KMT5B: variants seen among roughly 807,000 people sequenced by gnomAD.
KMT5B encodes lysine methyltransferase 5B.
In KMT5B, 10 loss-of-function variants were observed where a neutral mutation model predicts 83.2. The ratio of observed to expected loss-of-function variants is 0.12; its 90% confidence interval spans 0.07 to 0.20. The LOEUF (loss-of-function observed/expected upper bound fraction) is 0.20. Among genes scored for constraint, KMT5B ranks in the 10% least tolerant of loss-of-function variants. The pLI is 1.00. For synonymous variants in KMT5B, 349 were observed against 388.8 expected, an observed-to-expected ratio of 0.90 and a Z score of 1.20; for missense variants, 753 against 1,067.2, an observed-to-expected ratio of 0.71 and a Z score of 4.10.
At position 68,185,810 on chromosome 11, in the gene KMT5B, T is replaced by C. The variant is rs765133118; in HGVS notation, c.279A>G (p.Leu93=). ...LATSLVLDPY[L]GFQTHKMNTS... ...TATTCATTTTGTGTGTTTGAAAACC[T>C]AAATAGGGATCAAGAACCAAACTGG... The change falls in exon 3 of 11, where the codon TTA becomes TTG. Residue 93 remains leucine, a synonymous_variant. Transcript: ENST00000304363. 1 of 1,614,044 alleles carries C rather than the reference T, an allele frequency of 6.2e-7. No individual in the cohort carries two copies. The highest frequency in any genetic ancestry group is 8.5e-7 in the Non-Finnish European group (1 of 1,179,966).
chr11:68,198,115 TA>T (rs1393803393), intron 1 of KMT5B, among the ~76,000 whole-genome samples: 1 of 152,062 alleles, frequency 6.6e-6, no homozygotes, highest in Non-Finnish European at 1.5e-5. Flanking sequence ...TATAGACAAA[TA>T]GGGGTTGAAA....
chr11:68,188,214 C>T (rs932670329), intron 2 of KMT5B, among the ~76,000 whole-genome samples: 5 of 151,462 alleles, frequency 3.3e-5, no homozygotes, highest in African/African-American at 1.2e-4. Context: ...TTAGTAGAGG[C>T]GGGGTTTGAC....
Position 68,158,527 on chromosome 11 carries a change from T to C in KMT5B, c.1819A>G (p.Thr607Ala). 3 of 1,614,242 alleles carry C rather than the reference T, an allele frequency of 1.9e-6. No individual in the cohort carries two copies. Among genetic ancestry groups the C allele is most frequent in the Non-Finnish European group, 2.5e-6 (3 of 1,180,052 alleles). ...CGTGACTTCTTTTTGGACATGCCTGTGTCACTCTTATGACACTTTGCCTCC... is the reference window on the plus strand; with the variant it reads ...CGTGACTTCTTTTTGGACATGCCTGCGTCACTCTTATGACACTTTGCCTCC... The part of the protein sequence containing the change: ...KGEAKCHKSD[T>A]GMSKKKSRQG... Residue 607 changes from threonine (T) to alanine (A), a missense_variant, in exon 11 of 11, where the codon ACA (threonine) becomes GCA (alanine). Physicochemically the swap from Thr to Ala is moderately conservative, Grantham distance 58 (BLOSUM62 0). Transcript: ENST00000304363.
chr11:68,161,114 G>C (rs76961208), intron 10 of KMT5B, among the ~76,000 whole-genome samples: 9 of 152,124 alleles, frequency 5.9e-5, no homozygotes, highest in African/African-American at 2.2e-4. Flanking sequence ...AGAATAGTAG[G>C]AGTAGTGAAC....
At chr11:68,196,394 G>GT (rs1051513918) in intron 1 of KMT5B, among the ~76,000 whole-genome samples, 2 of 150,040 alleles carry the variant, frequency 1.3e-5, no homozygotes, top group Admixed American at 6.7e-5. Context: ...TATTGTTTAA[G>GT]TGTCTGCTTC....
chr11:68,210,767 G>A (rs1860794125), intron 1 of KMT5B, among the ~76,000 whole-genome samples: 1 of 152,136 alleles, frequency 6.6e-6, no homozygotes, highest in African/African-American at 2.4e-5. Context: ...GTGATGGAGC[G>A]GAGGGAGGAC....
Position 68,159,037 on chromosome 11 carries a change from C to T in KMT5B, c.1309G>A (p.Val437Ile). The T allele has an allele frequency of 6.2e-7, 1 of 1,612,718 alleles. No individual in the cohort carries two copies. The highest frequency in any genetic ancestry group is 8.5e-7 in the Non-Finnish European group (1 of 1,179,722). Residue 437 changes from valine (V) to isoleucine (I), a missense_variant, in exon 11 of 11, where the codon GTA (valine) becomes ATA (isoleucine). Physicochemically the swap from Val to Ile is conservative, Grantham distance 29 (BLOSUM62 3). Around this residue, in one of 9 missense-constraint regions of KMT5B, gnomAD observed 397 missense variants for 395.9 expected, o/e 1.00. Transcript: ENST00000304363. ...SKLTHINNSRVPKKLKKPAKP... is the reference protein window; with the variant it reads ...SKLTHINNSRIPKKLKKPAKP... Reference sequence around the variant, plus strand: ...GCAGGCTTCTTCAGTTTCTTTGGTACCCTGGAATTATTTATATGAGTTAGC... The same window carrying T: ...GCAGGCTTCTTCAGTTTCTTTGGTATCCTGGAATTATTTATATGAGTTAGC...
intron 1 of KMT5B, among the ~76,000 whole-genome samples, chr11:68,206,164 A>C (rs922440369): frequency 6.6e-6 from 1 of 152,214 alleles, no homozygotes; most frequent in Admixed American, 6.5e-5. Flanking sequence ...CTTCCAGAAG[A>C]AAACAAAAAA....
At chr11:68,164,368 T>G (rs575307395) in intron 10 of KMT5B, among the ~76,000 whole-genome samples, 1 of 152,242 alleles carries the variant, frequency 6.6e-6, no homozygotes, top group South Asian at 2.1e-4. Flanking sequence ...CGCAAACACA[T>G]ACACAGCACA....
At position 68,158,327 on chromosome 11, in the gene KMT5B, G is replaced by T; in HGVS notation, c.2019C>A (p.Val673=). 1 of 1,614,122 alleles carries T rather than the reference G, an allele frequency of 6.2e-7. No individual in the cohort carries two copies. The highest frequency in any genetic ancestry group is 1.6e-4 in the Middle Eastern group (1 of 6,062). ...TATCTGATGTCACAACTGAACAACC[G>T]ACGGGTGAAGGAGCACAGTCTGTGT... is the stretch of plus-strand genomic sequence containing the variant. The part of the protein sequence containing the change: ...VSYTDCAPSP[V]GCSVVTSDSF... Residue 673 remains valine, a synonymous_variant, in exon 11 of 11, where the codon GTC becomes GTA. Coordinates refer to ENST00000304363, the MANE Select transcript of KMT5B (RefSeq NM_017635.5).
chr11:68,166,101 A>G (rs1438076811), intron 10 of KMT5B: 2 of 1,466,162 alleles, frequency 1.4e-6, no homozygotes, highest in South Asian at 2.9e-5. Flanking sequence ...GGAATCGCCA[A>G]GTCAAAACTT....
chr11:68,209,570 G>A (rs975096033), intron 1 of KMT5B, among the ~76,000 whole-genome samples: 4 of 152,144 alleles, frequency 2.6e-5, no homozygotes, highest in Admixed American at 2.0e-4. Flanking sequence ...TAGAAACACA[G>A]GTGTCACAAC....
At chr11:68,195,760 T>A (rs1174339727) in intron 1 of KMT5B, among the ~76,000 whole-genome samples, 1 of 152,224 alleles carries the variant, frequency 6.6e-6, no homozygotes, top group Non-Finnish European at 1.5e-5. Flanking sequence ...TAATTTTTTT[T>A]AAATGAAAGA....
rs1467308219 is a variant in KMT5B, at chr11:68,171,940, A to C, written c.654-231T>G. ...ATCTTATTCCTGCAAGAGAATGGAAACTCAACCAGGACAGGGACTATGCCA... is the reference window on the plus strand; with the variant it reads ...ATCTTATTCCTGCAAGAGAATGGAACCTCAACCAGGACAGGGACTATGCCA... On this transcript the variant is annotated intron_variant, in intron 6 of 10. Transcript: ENST00000304363. This position sits in a 1 kb window ranked among gnomAD's most constrained non-coding sequence, Gnocchi z 5.1. Among the ~76,000 whole-genome samples, 1 of 152,108 alleles carries C rather than the reference A, an allele frequency of 6.6e-6. No homozygotes were observed. Among genetic ancestry groups the C allele is most frequent in the Non-Finnish European group, 1.5e-5 (1 of 68,028 alleles).
At chr11:68,166,578 A>G in intron 10 of KMT5B, 1 of 1,007,720 alleles carries the variant, frequency 9.9e-7, no homozygotes, top group Non-Finnish European at 1.2e-6. Flanking sequence ...CCCCAAGTCC[A>G]TCATCTTTTC....
Position 68,171,526 on chromosome 11 carries a change from T to C in KMT5B, c.820+17A>G, listed in dbSNP as rs1324594559. The C allele has an allele frequency of 6.2e-7, 1 of 1,610,920 alleles. No homozygotes were observed. The highest frequency in any genetic ancestry group is 2.2e-5 in the East Asian group (1 of 44,814). On this transcript the variant is annotated intron_variant, in intron 7 of 10. Coordinates refer to ENST00000304363, the MANE Select transcript of KMT5B (RefSeq NM_017635.5). The surrounding 1 kb of genome is among the most constrained non-coding windows in gnomAD (Gnocchi z 5.1). ...AATGGCCAACACTAGCGCCAACACC[T>C]TGGAAACACAGCTTACCATGGTTTA...
rs140240690 is a variant in KMT5B, at chr11:68,202,865, C to T, written c.-77+10273G>A. On this transcript the variant is annotated intron_variant, in intron 1 of 10. Transcript: ENST00000304363. ...CCTGGCTTTATTTCCATGTTTTGGC[C>T]GAATAATCCTGCTGTGAACGTGGGT... Among the ~76,000 whole-genome samples, 8 of 151,428 alleles carry T rather than the reference C, an allele frequency of 5.3e-5. No individual in the cohort carries two copies. In the East Asian group the frequency reaches 7.9e-4, roughly 15 times the overall value.
chr11:68,191,462 T>G (rs989835095), intron 1 of KMT5B, among the ~76,000 whole-genome samples: 1 of 151,992 alleles, frequency 6.6e-6, no homozygotes, highest in Non-Finnish European at 1.5e-5. Flanking sequence ...GTCTCCTGAG[T>G]AGGTGGGATT....
At chr11:68,199,091 GT>G (rs1003999835) in intron 1 of KMT5B, among the ~76,000 whole-genome samples, 23 of 148,512 alleles carry the variant, frequency 1.5e-4, no homozygotes, top group African/African-American at 2.5e-4. Flanking sequence ...TAATTGCGTT[GT>G]TTTTTTTTTA....
Sources: gnomAD v4.1 joint callset for allele counts (sites outside exome capture counted in the v4.1 genomes callset) on GRCh38, gnomAD v4.1.1 for gene constraint, gnomAD v4.1.1 regional missense constraint, Gnocchi (gnomAD v3.1) non-coding constraint, MANE v1.5 for transcripts, NCBI Gene and HGNC (gene_info 2026-07-23, HGNC 2026-07-21) for gene names.